Variants in RPS6KA5 observed in about 807,000 individuals in gnomAD.
RPS6KA5 encodes the protein ribosomal protein S6 kinase alpha-5.
RPS6KA5 carries 27 observed loss-of-function variants against 85.5 expected under a neutral mutation model. The ratio of observed to expected loss-of-function variants is 0.32; its 90% confidence interval spans 0.23 to 0.44. The LOEUF is 0.44. Among genes scored for constraint, RPS6KA5 ranks in the 20% least tolerant of loss-of-function variants. The pLI is 1.00. For missense variants in RPS6KA5, 811 were observed against 980.9 expected (o/e 0.83, Z 2.31); for synonymous variants, 334 against 348.2 (o/e 0.96, Z 0.46).
chr14:91,035,841 C>A, intron 1 of RPS6KA5, among the ~76,000 whole-genome samples: 2 of 83,016 alleles, frequency 2.4e-5, no homozygotes, highest in African/African-American at 5.6e-5. Flanking sequence ...ATGAAACCCT[C>A]ACCTTCAAAA....
In RPS6KA5 at chr14:91,002,231, A is replaced by G. The variant is rs76483996; in HGVS notation, c.104-1072T>C. ...CAAAGCATACTGATATCTGTGATTTACTTTGAAATGCATTTTTTAAAATAA... is the reference window on the plus strand; with the variant it reads ...CAAAGCATACTGATATCTGTGATTTGCTTTGAAATGCATTTTTTAAAATAA... On this transcript the variant is annotated intron_variant, in intron 1 of 16. Transcript: ENST00000614987. 1.1e-3 allele frequency among the ~76,000 whole-genome samples: 168 copies of G among 152,278 alleles called. 2 individuals carry two copies. In the East Asian group the frequency reaches 0.017, roughly 16 times the overall value.
chr14:90,894,779 A>G (rs945366336), intron 12 of RPS6KA5, among the ~76,000 whole-genome samples, 196 bp from the exon 13 acceptor site: 2 of 152,216 alleles, frequency 1.3e-5, no homozygotes, highest in Admixed American at 6.5e-5. Context: ...TTGGTAATGG[A>G]AAATTTCAAG....
At chr14:90,881,651 C>T (rs573309037) in intron 14 of RPS6KA5, among the ~76,000 whole-genome samples, 1 of 152,126 alleles carries the variant, frequency 6.6e-6, no homozygotes, top group South Asian at 2.1e-4. Context: ...CAGGCACACA[C>T]CACCACGCCT....
chr14:90,944,710 G>C (rs577052186), intron 4 of RPS6KA5, among the ~76,000 whole-genome samples: 1 of 151,532 alleles, frequency 6.6e-6, no homozygotes, highest in Non-Finnish European at 1.5e-5. Flanking sequence ...AGCTGAGATC[G>C]TGCCACTGCA....
intron 1 of RPS6KA5, among the ~76,000 whole-genome samples, chr14:91,030,229 G>A (rs367776427): frequency 3.9e-5 from 6 of 152,156 alleles, no homozygotes; most frequent in Non-Finnish European, 7.3e-5. Context: ...CCTCACACTC[G>A]TAACACTTAG....
chr14:90,897,053 G>A (rs1368142960), intron 12 of RPS6KA5, among the ~76,000 whole-genome samples: 1 of 152,158 alleles, frequency 6.6e-6, no homozygotes, highest in Non-Finnish European at 1.5e-5. Context: ...TTCACGGAAG[G>A]CAATTTTTCC....
At chr14:91,023,887 T>C (rs1242296489) in intron 1 of RPS6KA5, among the ~76,000 whole-genome samples, 1 of 152,232 alleles carries the variant, frequency 6.6e-6, no homozygotes, top group Admixed American at 6.5e-5. Flanking sequence ...CTGTTTGTTA[T>C]GAGAACTGAT....
chr14:90,911,688 G>T (rs1376096807), intron 7 of RPS6KA5, among the ~76,000 whole-genome samples: 1 of 152,086 alleles, frequency 6.6e-6, no homozygotes, highest in Non-Finnish European at 1.5e-5. Flanking sequence ...AGAACAAAAT[G>T]TTTACGACAT....
chr14:91,048,396 GAAATA>G (rs2042952096), intron 1 of RPS6KA5, among the ~76,000 whole-genome samples: 2 of 152,078 alleles, frequency 1.3e-5, no homozygotes, highest in African/African-American at 4.8e-5. Context: ...ACTTGAGTGT[GAAATA>G]AAATAACTGC....
At chr14:90,998,048 G>GTAC (rs2040608572) in intron 2 of RPS6KA5, among the ~76,000 whole-genome samples, 1 of 144,436 alleles carries the variant, frequency 6.9e-6, no homozygotes, top group African/African-American at 2.5e-5. Context: ...GTAGTGATGT[G>GTAC]TACTACAATA....
intron 7 of RPS6KA5, among the ~76,000 whole-genome samples, chr14:90,915,626 G>A (rs1245312283): frequency 4.6e-5 from 7 of 152,202 alleles, no homozygotes; most frequent in East Asian, 1.9e-4. Context: ...GGCCAACATG[G>A]TGAAACCCCA....
At chr14:91,048,683 A>G (rs2042959326) in intron 1 of RPS6KA5, among the ~76,000 whole-genome samples, 1 of 152,198 alleles carries the variant, frequency 6.6e-6, no homozygotes, top group African/African-American at 2.4e-5. Flanking sequence ...CTTCCCTGAA[A>G]AACAAGATGA....
At chr14:90,990,798 T>A (rs961217192) in intron 2 of RPS6KA5, among the ~76,000 whole-genome samples, 3 of 152,024 alleles carry the variant, frequency 2.0e-5, no homozygotes, top group Non-Finnish European at 4.4e-5. Flanking sequence ...AAGAAAATGA[T>A]CTCACTTATA....
At chr14:91,003,790 G>C (rs1407458942) in intron 1 of RPS6KA5, among the ~76,000 whole-genome samples, 2 of 152,180 alleles carry the variant, frequency 1.3e-5, no homozygotes, top group East Asian at 3.8e-4. Flanking sequence ...ACTCAAGAAT[G>C]CTGGTCCTGA....
At chr14:90,900,807 A>T in intron 9 of RPS6KA5, 71 bp from the exon 10 acceptor site, 1 of 1,358,312 alleles carries the variant, frequency 7.4e-7, no homozygotes. Flanking sequence ...ATTAGATTGT[A>T]ATGACTTTTT....
At chr14:90,938,007 A>G (rs2037367926) in intron 5 of RPS6KA5, among the ~76,000 whole-genome samples, 1 of 152,224 alleles carries the variant, frequency 6.6e-6, no homozygotes. Flanking sequence ...CATATTCCAA[A>G]GTCTCATCTG....
At chr14:91,058,033 C>T (rs2043395075) in intron 1 of RPS6KA5, among the ~76,000 whole-genome samples, 2 of 152,174 alleles carry the variant, frequency 1.3e-5, no homozygotes, top group African/African-American at 4.8e-5. Context: ...CAACTGCCAG[C>T]CTGATATAAC....
At chr14:91,052,913 A>G (rs564301367) in intron 1 of RPS6KA5, among the ~76,000 whole-genome samples, 7 of 152,176 alleles carry the variant, frequency 4.6e-5, no homozygotes, top group East Asian at 1.9e-4. Context: ...AGACAGAGGT[A>G]TCACCAAAAA....
At chr14:90,975,166 A>C (rs1442928883) in intron 3 of RPS6KA5, among the ~76,000 whole-genome samples, 1 of 152,106 alleles carries the variant, frequency 6.6e-6, no homozygotes, top group African/African-American at 2.4e-5. Context: ...TGCAGTAATA[A>C]AACTTTAAGA....
Sources: gnomAD v4.1 joint callset for allele counts (sites outside exome capture counted in the v4.1 genomes callset) on GRCh38, gnomAD v4.1.1 for gene constraint, MANE v1.5 for transcripts, NCBI Gene and HGNC (gene_info 2026-07-23, HGNC 2026-07-21) for gene names.